The following CERS3 variants were observed in gnomAD, a reference collection of about 807,000 sequenced individuals.
The protein encoded by CERS3 is ceramide synthase 3, also known as LAG1 homolog, ceramide synthase 3.
CERS3 carries 33 observed loss-of-function variants against 50.3 expected under a neutral mutation model. The observed-to-expected ratio is 0.66, with a 90% CI of 0.50 to 0.88. The LOEUF is 0.88. Among genes scored for constraint, CERS3 ranks in the 40% least tolerant of loss-of-function variants. The pLI is 0.00. For missense variants in CERS3, 470 were observed against 460.3 expected, an observed-to-expected ratio of 1.02 and a Z score of -0.19; for synonymous variants, 176 against 155.2, an observed-to-expected ratio of 1.13 and a Z score of -0.99.
chr15:100,541,316 A>G (rs776988960), intron 1 of CERS3, among the ~76,000 whole-genome samples: 4 of 152,196 alleles, frequency 2.6e-5, no homozygotes, highest in Non-Finnish European at 5.9e-5. Context: ...TACTAAAGAT[A>G]CAAAAATTAG....
At chr15:100,419,800 A>G (rs1390796034) in intron 11 of CERS3, among the ~76,000 whole-genome samples, 2 of 144,142 alleles carry the variant, frequency 1.4e-5, no homozygotes, top group African/African-American at 2.6e-5. Flanking sequence ...ACTCAACTAC[A>G]TGGAAACTGA....
At chr15:100,453,729 G>A (rs897132882) in intron 11 of CERS3, among the ~76,000 whole-genome samples, 3 of 152,114 alleles carry the variant, frequency 2.0e-5, no homozygotes, top group Non-Finnish European at 2.9e-5. Flanking sequence ...CAGATGGCAC[G>A]ATCTTATACC....
At chr15:100,479,659 C>A (rs2654573) in intron 6 of CERS3, among the ~76,000 whole-genome samples, 181 bp from the exon 7 acceptor site, 3 of 152,098 alleles carry the variant, frequency 2.0e-5, no homozygotes, top group African/African-American at 7.2e-5. Flanking sequence ...CCTCTGTAGA[C>A]TATTTCTTAC....
At chr15:100,505,258 T>A (rs1346370821) in intron 2 of CERS3, among the ~76,000 whole-genome samples, 1 of 152,192 alleles carries the variant, frequency 6.6e-6, no homozygotes, top group Admixed American at 6.5e-5. Flanking sequence ...AAAACACAAC[T>A]CAAGGCAGTA....
intron 10 of CERS3, among the ~76,000 whole-genome samples, chr15:100,468,993 A>T (rs2034875574): frequency 1.3e-5 from 2 of 152,206 alleles, no homozygotes; most frequent in Non-Finnish European, 2.9e-5. Context: ...TCTGGCATTC[A>T]AGTAATGGCT....
chr15:100,436,192 A>C (rs1034246696), intron 11 of CERS3, among the ~76,000 whole-genome samples: 1 of 152,230 alleles, frequency 6.6e-6, no homozygotes, highest in Non-Finnish European at 1.5e-5. Context: ...TTGTAGCACT[A>C]TTTACAATAG....
At chr15:100,413,705 T>G (rs1463415796) in intron 11 of CERS3, among the ~76,000 whole-genome samples, 1 of 151,540 alleles carries the variant, frequency 6.6e-6, no homozygotes, top group Non-Finnish European at 1.5e-5. Flanking sequence ...ACTCATACAT[T>G]TGGTTAGAAA....
chr15:100,479,517 A>G (rs1194662166), intron 6 of CERS3, 39 bp from the exon 7 acceptor site: 6 of 1,544,086 alleles, frequency 3.9e-6, no homozygotes, highest in African/African-American at 2.8e-5. Flanking sequence ...CAGATGAGAA[A>G]TAAATTGGTC....
chr15:100,426,263 C>A (rs930068173), intron 11 of CERS3, among the ~76,000 whole-genome samples: 2 of 151,892 alleles, frequency 1.3e-5, no homozygotes, highest in Non-Finnish European at 2.9e-5. Context: ...TAAATTTGAC[C>A]TAACAATTCC....
intron 11 of CERS3, among the ~76,000 whole-genome samples, chr15:100,434,754 C>G (rs1001241450): frequency 2.6e-5 from 4 of 152,220 alleles, no homozygotes; most frequent in African/African-American, 9.6e-5. Flanking sequence ...GATTTATTAA[C>G]AGGCCACAAA....
chr15:100,483,790 T>A (rs796778436), intron 5 of CERS3, among the ~76,000 whole-genome samples: 2 of 61,288 alleles, frequency 3.3e-5, no homozygotes, highest in African/African-American at 1.2e-4. Context: ...TATTATTATT[T>A]TTTTTTTTGA....
intron 11 of CERS3, among the ~76,000 whole-genome samples, chr15:100,451,415 T>C (rs991557018): frequency 3.3e-5 from 5 of 151,896 alleles, no homozygotes; most frequent in South Asian, 2.1e-4. Flanking sequence ...AAAACACATA[T>C]AGACTAGGCC....
At chr15:100,454,422 C>T (rs571993199) in intron 11 of CERS3, among the ~76,000 whole-genome samples, 12 of 146,096 alleles carry the variant, frequency 8.2e-5, no homozygotes, top group Admixed American at 2.0e-4. Context: ...TGCCATTTTT[C>T]ACAGAAATAA....
chr15:100,403,923 C>G (rs1305383345), intron 11 of CERS3, among the ~76,000 whole-genome samples: 1 of 152,110 alleles, frequency 6.6e-6, no homozygotes. Flanking sequence ...AAAGTTTTTG[C>G]AGATGTGATT....
At chr15:100,467,858 GATAGATAGATAGATAGATAGA>G (rs2034828162) in intron 10 of CERS3, among the ~76,000 whole-genome samples, 1 of 38,366 alleles carries the variant, frequency 2.6e-5, no homozygotes, top group Admixed American at 2.5e-4. Context: ...TATATAGATA[GATAGATAGATAGATAGATAGA>G]TATAGATATA....
rs1427106851 is a variant in CERS3, at chr15:100,433,389, T to C, written c.999+22504A>G. Among the ~76,000 whole-genome samples the C allele has an allele frequency of 5.9e-5, 9 of 151,974 alleles. No individual in the cohort carries two copies. The South Asian group carries it at 1.5e-3, about 25-fold the overall frequency. On this transcript the variant is annotated intron_variant, in intron 11 of 11. Transcript: ENST00000679737. ...CAGCTATAGAATCAACATGAACATA[T>C]AGCTTCAGGTTTCCTAGGAAACAGA...
At chr15:100,453,108 A>C (rs1257131215) in intron 11 of CERS3, among the ~76,000 whole-genome samples, 1 of 151,900 alleles carries the variant, frequency 6.6e-6, no homozygotes, top group African/African-American at 2.4e-5. Flanking sequence ...AACTATTCAA[A>C]AAAAAAAATT....
chr15:100,417,520 G>A (rs973938881), intron 11 of CERS3, among the ~76,000 whole-genome samples: 3 of 151,920 alleles, frequency 2.0e-5, no homozygotes, highest in African/African-American at 4.9e-5. Context: ...GCCCGCCATT[G>A]CCCAGGCTTG....
intron 11 of CERS3, among the ~76,000 whole-genome samples, chr15:100,411,351 G>C (rs1000663827): frequency 4.6e-5 from 7 of 151,912 alleles, no homozygotes; most frequent in African/African-American, 1.7e-4. Flanking sequence ...TAGTAGAGAC[G>C]GGGTTTCACC....
Sources: allele counts gnomAD v4.1 joint callset (sites outside exome capture counted in the v4.1 genomes callset), GRCh38; gene constraint gnomAD v4.1.1; transcripts MANE v1.5; gene names NCBI Gene and HGNC (gene_info 2026-07-23, HGNC 2026-07-21).